The following CLN6 variants were observed in gnomAD, a reference collection of about 807,000 sequenced individuals.
The protein encoded by CLN6 is CLN6 transmembrane ER protein.
CLN6 carries 22 observed loss-of-function variants against 33.3 expected under a neutral mutation model. The ratio of observed to expected loss-of-function variants is 0.66; its 90% CI spans 0.47 to 0.94. The LOEUF (loss-of-function observed/expected upper bound fraction) is 0.94. Ranked by LOEUF, CLN6 falls within the 40% of genes least tolerant of loss-of-function variation. The pLI is 0.00. For synonymous variants in CLN6, 201 were observed against 174.6 expected, an observed-to-expected ratio of 1.15 and a Z score of -1.19; for missense variants, 387 against 417.1, an observed-to-expected ratio of 0.93 and a Z score of 0.63.
At chr15:68,248,961 C>G (rs1157430192) in intron 1 of CLN6, among the ~76,000 whole-genome samples, 1 of 151,878 alleles carries the variant, frequency 6.6e-6, no homozygotes, top group Non-Finnish European at 1.5e-5. Context: ...ATAGCAAAAC[C>G]AACAACAACA....
At chr15:68,231,362 T>C (rs1474393872), upstream of CLN6, among the ~76,000 whole-genome samples, 3 of 152,214 alleles carry the variant, frequency 2.0e-5, no homozygotes, top group Non-Finnish European at 4.4e-5. Flanking sequence ...CAGGTGATTG[T>C]CTCTGTTTTG....
chr15:68,217,246 T>A (rs1331852127), intron 2 of CLN6, among the ~76,000 whole-genome samples: 1 of 152,230 alleles, frequency 6.6e-6, no homozygotes, highest in African/African-American at 2.4e-5. Context: ...TTGTTTTGTT[T>A]TTTGAGACAG....
intron 1 of CLN6, among the ~76,000 whole-genome samples, chr15:68,254,336 T>C (rs1345971957): frequency 1.3e-5 from 2 of 152,128 alleles, no homozygotes; most frequent in Non-Finnish European, 2.9e-5. Context: ...AGTTGGATGG[T>C]GGTGAGCCAC....
chr15:68,211,175 A>G lies in CLN6; in HGVS notation c.542+88T>C, dbSNP rs565239377. The G allele has an allele frequency of 1.8e-3, 2,032 of 1,121,630 alleles. 4 individuals are homozygous for G. The highest frequency in any genetic ancestry group is 2.2e-3 in the Non-Finnish European group (1,587 of 730,610). The allele number at this position is 1,121,630 out of a possible 1,614,324, so 69.5% of individuals were successfully genotyped here. On this transcript the variant is annotated intron_variant, in intron 5 of 6. Coordinates refer to ENST00000249806, the MANE Select transcript of CLN6 (RefSeq NM_017882.3). The surrounding 1 kb of genome is among the most constrained non-coding windows in gnomAD (Gnocchi z 5.9). Reference sequence around the variant, plus strand: ...CAACACATGGAGACCCGCAGCCCAGACAGCCTTGCTCAGTGTGTCCCTGAG... The same window carrying G: ...CAACACATGGAGACCCGCAGCCCAGGCAGCCTTGCTCAGTGTGTCCCTGAG...
At chr15:68,252,034 C>T (rs548836352) in intron 1 of CLN6, among the ~76,000 whole-genome samples, 37 of 132,902 alleles carry the variant, frequency 2.8e-4, no homozygotes, top group Non-Finnish European at 5.2e-4. Context: ...AGTGCAGTGG[C>T]GTGATCTCGG....
upstream of CLN6, among the ~76,000 whole-genome samples, chr15:68,230,087 G>A (rs781732678): frequency 4.6e-5 from 7 of 152,202 alleles, no homozygotes; most frequent in Non-Finnish European, 1.0e-4. This position sits in a 1 kb window ranked among gnomAD's most constrained non-coding sequence, Gnocchi z 4.0. Context: ...GAGGAGGCAG[G>A]ACTGGAGACC....
intron 1 of CLN6, among the ~76,000 whole-genome samples, chr15:68,235,587 A>AATAAATAAATATAT (rs1862434089): frequency 1.1e-5 from 1 of 95,106 alleles, no homozygotes; most frequent in African/African-American, 4.6e-5. Flanking sequence ...AATAAAAATA[A>AATAAATAAATATAT]ATATATATAT....
intron 1 of CLN6, among the ~76,000 whole-genome samples, chr15:68,235,155 C>T (rs1049013251): frequency 2.6e-5 from 4 of 152,174 alleles, no homozygotes; most frequent in Non-Finnish European, 5.9e-5. Context: ...TAAGGGATAG[C>T]GCTAACCTTG....
rs2093196252 is a variant in CLN6, at chr15:68,208,916, G to C, written c.666-506C>G. 6.6e-6 allele frequency among the ~76,000 whole-genome samples: 1 copy of C among 152,218 alleles called. No homozygotes were observed. The highest frequency in any genetic ancestry group is 2.4e-5 in the African/African-American group (1 of 41,458). Reference sequence around the variant, plus strand: ...CCACATAGGGGACAGGCCGGGGAGAGGATCTAGAGCTGGCCCAGGAAAGGA... The same window carrying C: ...CCACATAGGGGACAGGCCGGGGAGACGATCTAGAGCTGGCCCAGGAAAGGA... On this transcript the variant is annotated intron_variant, in intron 6 of 6. Transcript: ENST00000249806. This position sits in a 1 kb window ranked among gnomAD's most constrained non-coding sequence, Gnocchi z 5.8.
Position 68,211,929 on chromosome 15 carries a change from TC to T in CLN6, c.298-67del, listed in dbSNP as rs1464375066. 2.0e-6 allele frequency: 3 copies of T among 1,529,998 alleles called. No individual in the cohort carries two copies. The highest frequency in any genetic ancestry group is 2.7e-6 in the Non-Finnish European group (3 of 1,113,544). 94.8% of individuals were successfully genotyped at this position (1,529,998 alleles called of 1,614,324 possible). A position where few individuals can be genotyped will look rare whatever the true frequency, so the allele number is the denominator to read the frequency against. On this transcript the variant is annotated intron_variant, in intron 3 of 6. Coordinates refer to ENST00000249806, the MANE Select transcript of CLN6 (RefSeq NM_017882.3). This position sits in a 1 kb window ranked among gnomAD's most constrained non-coding sequence, Gnocchi z 5.9. ...GTCACAGTATGTGACACCCTCTGCT[TC>T]CCCCCTCACACCTGGGGTGGGATGG...
intron 1 of CLN6, among the ~76,000 whole-genome samples, chr15:68,221,231 A>ACCCCCCCCCCCCCCCCCCCC (rs1595822598): frequency 1.7e-5 from 2 of 116,238 alleles, no homozygotes; most frequent in African/African-American, 3.4e-5. Flanking sequence ...CCCTCCCCCA[A>ACCCCCCCCCCCCCCCCCCCC]CCCTCCCCCT....
rs1191650018 is a variant in CLN6 at position 68,212,087 on chromosome 15, C to CAAA, written c.298-225_298-224insTTT. 4 of 583,212 alleles carry CAAA rather than the reference C, an allele frequency of 6.9e-6. No individual in the cohort carries two copies. The East Asian group carries it at 1.2e-4, about 17-fold the overall frequency. The allele number at this position is 583,212 out of a possible 1,614,324, so 36.1% of individuals were successfully genotyped here. ...AGCAGCACCCCCCGCTGACTTTACC[C>CAAA]AGGGAGCAAAAAGACCAGAGGGCCC... On this transcript the variant is annotated intron_variant, in intron 3 of 6. Transcript: ENST00000249806.
chr15:68,223,137 A>G (rs2093242572), intron 1 of CLN6, among the ~76,000 whole-genome samples: 1 of 152,150 alleles, frequency 6.6e-6, no homozygotes, highest in South Asian at 2.1e-4. Flanking sequence ...ACTGAAAAAA[A>G]AAAAGAAAAG....
At chr15:68,249,619 T>C (rs1022616998) in intron 1 of CLN6, among the ~76,000 whole-genome samples, 7 of 114,600 alleles carry the variant, frequency 6.1e-5, no homozygotes, top group Non-Finnish European at 2.1e-5. Context: ...AGCTAAAAAG[T>C]GAATCTCATG....
rs1040732771 is a variant in CLN6, at chr15:68,219,007, G to T, written c.84-357C>A. ...TGATGGATCATGGCAGCTGACCTTA[G>T]TTGAGCACTTACTATATCCCAGGCA... On this transcript the variant is annotated intron_variant, in intron 1 of 6. Coordinates refer to ENST00000249806, the MANE Select transcript of CLN6 (RefSeq NM_017882.3). The surrounding 1 kb of genome is among the most constrained non-coding windows in gnomAD (Gnocchi z 4.2). 1.3e-5 allele frequency among the ~76,000 whole-genome samples: 2 copies of T among 152,202 alleles called. No individual in the cohort carries two copies. Among genetic ancestry groups the T allele is most frequent in the Non-Finnish European group, 2.9e-5 (2 of 68,034 alleles).
chr15:68,216,916 C>T (rs1292615562), intron 2 of CLN6, among the ~76,000 whole-genome samples: 4 of 152,324 alleles, frequency 2.6e-5, no homozygotes, highest in African/African-American at 9.6e-5. Context: ...GGCTCCAGGG[C>T]CAGAATGCCT....
intron 1 of CLN6, among the ~76,000 whole-genome samples, chr15:68,239,451 C>T (rs1892262410): frequency 6.6e-6 from 1 of 151,778 alleles, no homozygotes; most frequent in Admixed American, 6.6e-5. Context: ...TTGTGCCAAC[C>T]TGAAGTTAAA....
intron 3 of CLN6, 109 bp downstream of exon 3, chr15:68,214,181 C>T: frequency 1.2e-6 from 1 of 849,850 alleles, no homozygotes. Flanking sequence ...CACCCCCCAG[C>T]AGCAGGCAGG....
chr15:68,221,492 G>A (rs1276874921), intron 1 of CLN6, among the ~76,000 whole-genome samples: 19 of 151,876 alleles, frequency 1.3e-4, no homozygotes, highest in Non-Finnish European at 2.2e-4. Context: ...TCGGCCTCCC[G>A]AGGTGCTGGG....
Sources: gnomAD v4.1 joint callset for allele counts (sites outside exome capture counted in the v4.1 genomes callset) on GRCh38, gnomAD v4.1.1 for gene constraint, Gnocchi (gnomAD v3.1) non-coding constraint, MANE v1.5 for transcripts, NCBI Gene and HGNC (gene_info 2026-07-23, HGNC 2026-07-21) for gene names.